Variants in C12orf42 observed in about 807,000 individuals in gnomAD.
C12orf42 encodes chromosome 12 open reading frame 42, also known as uncharacterized protein C12orf42.
C12orf42 carries 25 observed loss-of-function variants against 21.6 expected under a neutral mutation model. The ratio of observed to expected loss-of-function variants is 1.16; its 90% CI spans 0.84 to 1.62. C12orf42 has a LOEUF of 1.62. Among genes scored for constraint, C12orf42 ranks in the 40% most tolerant of loss-of-function variants. The pLI is 0.00. For synonymous variants in C12orf42, 174 were observed against 175.0 expected, an observed-to-expected ratio of 0.99 and a Z score of 0.05; for missense variants, 483 against 459.3, an observed-to-expected ratio of 1.05 and a Z score of -0.47.
At chr12:103,305,872 G>A in intron 5 of C12orf42, 102 bp downstream of exon 5, 1 of 1,358,234 alleles carries the variant, frequency 7.4e-7, no homozygotes, top group Non-Finnish European at 1.0e-6. Context: ...TCTAGAATAG[G>A]ACTGGCCATG....
chr12:103,425,454 C>T (rs750668367), intron 2 of C12orf42, among the ~76,000 whole-genome samples: 12 of 152,136 alleles, frequency 7.9e-5, no homozygotes, highest in South Asian at 2.1e-4. Flanking sequence ...TGGCATCTGG[C>T]GGGTGCCCCT....
the C12orf42 span, among the ~76,000 whole-genome samples, chr12:103,075,375 G>T: frequency 1.3e-5 from 2 of 152,118 alleles, no homozygotes; most frequent in Admixed American, 1.3e-4. Context: ...ATTCGATGTA[G>T]ATCAAGAGTT....
At chr12:103,499,483 G>A (rs1048095383), upstream of C12orf42, among the ~76,000 whole-genome samples, 4 of 152,206 alleles carry the variant, frequency 2.6e-5, no homozygotes, top group African/African-American at 9.6e-5. Flanking sequence ...AAGGAGTGAT[G>A]AGTGAGCCAT....
chr12:103,130,886 C>T, the C12orf42 span, among the ~76,000 whole-genome samples: 1 of 152,130 alleles, frequency 6.6e-6, no homozygotes, highest in African/African-American at 2.4e-5. Flanking sequence ...TTGCATTGTC[C>T]CCTACACTTA....
intron 2 of C12orf42, among the ~76,000 whole-genome samples, chr12:103,404,977 C>A (rs966294003): frequency 2.6e-5 from 4 of 152,184 alleles, no homozygotes; most frequent in African/African-American, 9.7e-5. Flanking sequence ...AAACTGAATC[C>A]GCCATCAGGT....
the C12orf42 span, among the ~76,000 whole-genome samples, chr12:103,164,067 G>A: frequency 1.1e-4 from 16 of 152,164 alleles, no homozygotes; most frequent in African/African-American, 3.9e-4. Context: ...GCCCAGTGTT[G>A]TATGCTCTGT....
the C12orf42 span, among the ~76,000 whole-genome samples, chr12:103,173,926 T>C: frequency 6.6e-6 from 1 of 152,172 alleles, no homozygotes; most frequent in Non-Finnish European, 1.5e-5. Context: ...ATACAGGACA[T>C]CTTATCTGCA....
upstream of C12orf42, chr12:103,496,133 A>G (rs1379164016): frequency 1.3e-5 from 2 of 152,284 alleles, no homozygotes; most frequent in African/African-American, 4.8e-5. Flanking sequence ...CACGACTCCA[A>G]GCACTGGGGA....
intron 1 of C12orf42, 35 bp from the exon 2 acceptor site, chr12:103,478,482 T>A: frequency 9.5e-7 from 1 of 1,053,692 alleles, no homozygotes; most frequent in Non-Finnish European, 1.4e-6. Context: ...AGAGCAGGTT[T>A]ACAATGATGC....
chr12:103,215,563 C>G, the C12orf42 span, among the ~76,000 whole-genome samples: 4 of 149,668 alleles, frequency 2.7e-5, no homozygotes, highest in Non-Finnish European at 6.0e-5. Context: ...CTTTTCATCT[C>G]TCTTTGCCCA....
chr12:103,092,032 G>T, the C12orf42 span, among the ~76,000 whole-genome samples: 13 of 152,248 alleles, frequency 8.5e-5, no homozygotes, highest in African/African-American at 1.4e-4. Flanking sequence ...ATCAATATAT[G>T]GGGAAAAGCA....
chr12:103,201,889 T>C, the C12orf42 span, among the ~76,000 whole-genome samples: 250 of 152,244 alleles, frequency 1.6e-3, 2 homozygotes, highest in Middle Eastern at 0.027. Flanking sequence ...ATTTGCATAG[T>C]CTAAAATAAA....
intron 10 of C12orf42, among the ~76,000 whole-genome samples, chr12:103,245,846 G>A (rs1208281001): frequency 6.6e-6 from 1 of 152,082 alleles, no homozygotes; most frequent in East Asian, 1.9e-4. Context: ...TCAGGTGCCT[G>A]ATACTTGCCC....
chr12:103,134,139 T>C, the C12orf42 span, among the ~76,000 whole-genome samples: 56 of 152,120 alleles, frequency 3.7e-4, no homozygotes, highest in Non-Finnish European at 6.8e-4. Context: ...ATTTTAAAAA[T>C]TGAAAGAAGT....
chr12:103,195,417 T>C, the C12orf42 span, among the ~76,000 whole-genome samples: 2 of 152,170 alleles, frequency 1.3e-5, no homozygotes, highest in Non-Finnish European at 2.9e-5. Context: ...ATCAGCAATG[T>C]ATAAGCATCC....
the C12orf42 span, among the ~76,000 whole-genome samples, chr12:103,190,819 A>G: frequency 6.6e-6 from 1 of 152,182 alleles, no homozygotes; most frequent in African/African-American, 2.4e-5. Flanking sequence ...AAGAGAAGAG[A>G]AAAGAAAATG....
chr12:103,123,435 A>C, the C12orf42 span, among the ~76,000 whole-genome samples: 2 of 152,162 alleles, frequency 1.3e-5, no homozygotes, highest in African/African-American at 4.8e-5. Flanking sequence ...GGGTCAGAAA[A>C]GGCATCTGAT....
chr12:103,226,679 CGGA>C, the C12orf42 span, among the ~76,000 whole-genome samples: 2 of 151,886 alleles, frequency 1.3e-5, no homozygotes, highest in African/African-American at 2.4e-5. Flanking sequence ...GATTATAGGG[CGGA>C]GGAGAAGAGG....
chr12:103,323,502 A>T (rs1342830007), intron 4 of C12orf42, among the ~76,000 whole-genome samples: 1 of 152,230 alleles, frequency 6.6e-6, no homozygotes, highest in Admixed American at 6.5e-5. Flanking sequence ...ACAGTTTAGC[A>T]ACAGGAAAAA....
Sources: allele counts gnomAD v4.1 joint callset (sites outside exome capture counted in the v4.1 genomes callset), GRCh38; gene constraint gnomAD v4.1.1; transcripts MANE v1.5; gene names NCBI Gene and HGNC (gene_info 2026-07-23, HGNC 2026-07-21).